The following WWOX variants were observed in gnomAD, a reference collection of about 807,000 sequenced individuals.
WWOX encodes WW domain containing oxidoreductase.
A neutral mutation model predicts 46.2 loss-of-function variants in WWOX; 69 were observed. The observed-to-expected ratio is 1.49, with a 90% CI of 1.23 to 1.82. WWOX has a LOEUF of 1.82. Ranked by LOEUF, WWOX falls within the 40% of genes most tolerant of loss-of-function variation. WWOX has a pLI of 0.00. For synonymous variants in WWOX, 359 were observed against 202.6 expected (o/e 1.77, Z -6.56); for missense variants, 919 against 542.6 (o/e 1.69, Z -6.89).
chr16:78,825,882 C>A (rs985802809), intron 8 of WWOX: 1 of 680,956 alleles, frequency 1.5e-6, no homozygotes, highest in Non-Finnish European at 2.7e-6. Flanking sequence ...CCTAAGAAGC[C>A]TCTGCCTGAC....
chr16:79,210,488 A>G (rs1323058197), intron 8 of WWOX, among the ~76,000 whole-genome samples: 5 of 152,174 alleles, frequency 3.3e-5, no homozygotes, highest in African/African-American at 1.2e-4. Flanking sequence ...CATTTCCCCC[A>G]CAATCAAAGT....
Position 78,940,328 on chromosome 16 carries a change from A to G in WWOX, c.1057-271280A>G, listed in dbSNP as rs569551005. On this transcript the variant is annotated intron_variant, in intron 8 of 8. Coordinates refer to ENST00000566780, the MANE Select transcript of WWOX (RefSeq NM_016373.4). ...GATTTATGAGTCGTCATTGCTCGCT[A>G]TAGAAGAAGAAAAATAAATATGCAA... is the stretch of plus-strand genomic sequence containing the variant. Among the ~76,000 whole-genome samples the G allele has an allele frequency of 2.0e-5, 3 of 152,330 alleles. No homozygotes were observed. The East Asian group carries it at 5.8e-4, about 29-fold the overall frequency.
At chr16:79,006,318 C>T (rs943936511) in intron 8 of WWOX, among the ~76,000 whole-genome samples, 3 of 152,026 alleles carry the variant, frequency 2.0e-5, no homozygotes, top group Non-Finnish European at 4.4e-5. Context: ...GACACACAGC[C>T]GTGCAGAGAC....
intron 8 of WWOX, among the ~76,000 whole-genome samples, chr16:78,590,113 A>G (rs1355932471): frequency 6.6e-6 from 1 of 151,700 alleles, no homozygotes. Flanking sequence ...ATAGGAAAAT[A>G]GCTTGCCATG....
chr16:79,047,175 T>C (rs1169351548), intron 8 of WWOX, among the ~76,000 whole-genome samples: 62 of 152,144 alleles, frequency 4.1e-4, no homozygotes. Flanking sequence ...ATTTATTGAG[T>C]AGTAAGCACA....
chr16:78,787,774 A>T (rs934202557), intron 8 of WWOX, among the ~76,000 whole-genome samples: 5 of 152,108 alleles, frequency 3.3e-5, no homozygotes, highest in Non-Finnish European at 7.4e-5. Flanking sequence ...ACCATTTTAT[A>T]TTTCCACTTG....
intron 8 of WWOX, among the ~76,000 whole-genome samples, chr16:78,627,400 G>A (rs1000410310): frequency 6.6e-6 from 1 of 152,134 alleles, no homozygotes; most frequent in Non-Finnish European, 1.5e-5. Context: ...TTTTACCTGT[G>A]TCCTCTCTAT....
chr16:78,744,422 C>CTTTTTTTTTTTTTTTTTT (rs976073233), intron 8 of WWOX, among the ~76,000 whole-genome samples: 4 of 82,240 alleles, frequency 4.9e-5, no homozygotes, highest in African/African-American at 2.4e-4. Context: ...GTCCACACTG[C>CTTTTTTTTTTTTTTTTTT]TTTTTTTTTT....
chr16:78,894,184 A>G (rs1219036517), intron 8 of WWOX, among the ~76,000 whole-genome samples: 1 of 152,048 alleles, frequency 6.6e-6, no homozygotes, highest in Admixed American at 6.6e-5. Context: ...AGCTACAGGC[A>G]AGTGTACTGT....
In WWOX at chr16:78,775,273, G is replaced by T. The variant is rs564455869; in HGVS notation, c.1056+342521G>T. 2.6e-5 allele frequency among the ~76,000 whole-genome samples: 4 copies of T among 152,300 alleles called. No individual in the cohort carries two copies. The South Asian group carries it at 8.3e-4, about 32-fold the overall frequency. Reference sequence around the variant, plus strand: ...ATCACAAAACAAAAATATCTTGTGGGTTTGAAATTTATGAGTGTTTTGACT... The same window carrying T: ...ATCACAAAACAAAAATATCTTGTGGTTTTGAAATTTATGAGTGTTTTGACT... On this transcript the variant is annotated intron_variant, in intron 8 of 8. Transcript: ENST00000566780.
At chr16:78,859,027 A>AAAAAT (rs1555551610) in intron 8 of WWOX, among the ~76,000 whole-genome samples, 9 of 23,676 alleles carry the variant, frequency 3.8e-4, no homozygotes, top group Admixed American at 6.6e-4. Context: ...AAAAAAAAAA[A>AAAAAT]ATATATATAT....
chr16:79,071,322 G>A (rs1221295914), intron 8 of WWOX, among the ~76,000 whole-genome samples: 41 of 152,120 alleles, frequency 2.7e-4, no homozygotes, highest in Non-Finnish European at 1.5e-5. Context: ...CATACTCTGA[G>A]CTTTTGAAGT....
chr16:78,561,066 C>G (rs540561532), intron 8 of WWOX, among the ~76,000 whole-genome samples: 1 of 152,264 alleles, frequency 6.6e-6, no homozygotes, highest in South Asian at 2.1e-4. Context: ...AATCCACTGC[C>G]AAGCTCATTC....
At chr16:78,492,011 C>G (rs893556420) in intron 8 of WWOX, among the ~76,000 whole-genome samples, 7 of 138,906 alleles carry the variant, frequency 5.0e-5, no homozygotes, top group African/African-American at 1.8e-4. Flanking sequence ...TGACACTTGC[C>G]ATTCTCAATG....
At chr16:78,123,431 TTTTG>T (rs1172070732) in intron 4 of WWOX, 1 of 104,092 alleles carries the variant, frequency 9.6e-6, no homozygotes, top group African/African-American at 3.9e-5. Flanking sequence ...TTTCTTTGTT[TTTTG>T]TTTTGTTTTT....
chr16:78,869,198 G>A (rs1249058058), intron 8 of WWOX, among the ~76,000 whole-genome samples: 1 of 152,098 alleles, frequency 6.6e-6, no homozygotes, highest in Non-Finnish European at 1.5e-5. Flanking sequence ...ATGTTCTGTG[G>A]ACTCTGTGGT....
intron 8 of WWOX, among the ~76,000 whole-genome samples, chr16:78,554,825 C>G (rs950087119): frequency 6.6e-6 from 1 of 151,930 alleles, no homozygotes; most frequent in East Asian, 1.9e-4. Context: ...GAGCCCCTGA[C>G]TCTGAATGGT....
chr16:79,188,419 T>C (rs1426024584), intron 8 of WWOX, among the ~76,000 whole-genome samples: 1 of 152,206 alleles, frequency 6.6e-6, no homozygotes, highest in Non-Finnish European at 1.5e-5. Context: ...TTCTCTTAGA[T>C]ACTTTACATT....
intron 5 of WWOX, chr16:78,237,565 G>A (rs2037484162): frequency 6.6e-6 from 1 of 152,168 alleles, no homozygotes. Context: ...AGAGGCCCCT[G>A]GTTGACCTGG....
Sources: allele counts gnomAD v4.1 joint callset (sites outside exome capture counted in the v4.1 genomes callset), GRCh38; gene constraint gnomAD v4.1.1; transcripts MANE v1.5; gene names NCBI Gene and HGNC (gene_info 2026-07-23, HGNC 2026-07-21).